MIA2: variants seen among roughly 807,000 people sequenced by gnomAD.
The protein encoded by MIA2 is MIA SH3 domain ER export factor 2.
In MIA2, 127 loss-of-function variants were observed where a neutral mutation model predicts 167.8. The ratio of observed to expected loss-of-function variants is 0.76; its 90% CI spans 0.66 to 0.88. MIA2 has a LOEUF of 0.88. Among genes scored for constraint, MIA2 ranks in the 40% least tolerant of loss-of-function variants. The pLI, the probability that MIA2 is intolerant of heterozygous loss-of-function variation, is 0.00. For synonymous variants in MIA2, 552 were observed against 541.9 expected (o/e 1.02, Z -0.26); for missense variants, 1,690 against 1,624.7 (o/e 1.04, Z -0.69).
Position 39,247,727 on chromosome 14 carries a change from C to G in MIA2, c.1153C>G (p.Leu385Val). The G allele has an allele frequency of 6.2e-7, 1 of 1,613,020 alleles. No individual in the cohort carries two copies. Among genetic ancestry groups the G allele is most frequent in the Non-Finnish European group, 8.5e-7 (1 of 1,179,796 alleles). The change falls in exon 4 of 29, where the codon CTA becomes GTA. Residue 385 changes from leucine (L) to valine (V), a missense_variant. Physicochemically the swap from Leu to Val is conservative, Grantham distance 32. Transcript: ENST00000640607. ...PSWFDFGFAI[L>V]GFAYAKEDKI... is the part of the protein sequence containing the mutation. ...TTGGTTTGATTTTGGTTTTGCTATA[C>G]TAGGCTTTGCATATGCCAAGGAAGA...
At chr14:39,374,112 G>A (rs2075002756) in intron 23 of MIA2, among the ~76,000 whole-genome samples, 2 of 152,210 alleles carry the variant, frequency 1.3e-5, no homozygotes, top group Non-Finnish European at 2.9e-5. Flanking sequence ...ACAGAAGATA[G>A]AATGAAAAGT....
intron 10 of MIA2, among the ~76,000 whole-genome samples, chr14:39,291,934 A>C (rs1275090088): frequency 6.6e-6 from 1 of 152,206 alleles, no homozygotes; most frequent in Non-Finnish European, 1.5e-5. Flanking sequence ...TAAAACAGAA[A>C]ACAGTAGACC....
At chr14:39,347,569 T>A in intron 26 of MIA2, 144 bp from the exon 27 acceptor site, 1 of 716,600 alleles carries the variant, frequency 1.4e-6, no homozygotes, top group African/African-American at 1.8e-5. Flanking sequence ...AAGCTGTTCT[T>A]GTGGCCGCAA....
intron 21 of MIA2, among the ~76,000 whole-genome samples, chr14:39,316,552 C>T (rs2152953161): frequency 6.6e-6 from 1 of 152,256 alleles, no homozygotes; most frequent in East Asian, 1.9e-4. Flanking sequence ...TGAATGTTAA[C>T]TGTTGTTATT....
chr14:39,258,412 T>C (rs1015908268), intron 6 of MIA2, among the ~76,000 whole-genome samples: 1 of 152,208 alleles, frequency 6.6e-6, no homozygotes, highest in African/African-American at 2.4e-5. Flanking sequence ...ACGAAGTTCT[T>C]ATGCTGTGTT....
chr14:39,362,297 C>T (rs1202256017), intron 23 of MIA2, among the ~76,000 whole-genome samples: 2 of 152,146 alleles, frequency 1.3e-5, no homozygotes, highest in Admixed American at 6.5e-5. Flanking sequence ...TAGAATTTGG[C>T]AGTAAAGCTG....
intron 9 of MIA2, among the ~76,000 whole-genome samples, chr14:39,283,989 T>TG (rs1347727045): frequency 2.0e-5 from 3 of 152,188 alleles, no homozygotes; most frequent in Non-Finnish European, 4.4e-5. Context: ...TTTTTTACCT[T>TG]GCAGCTTCAC....
At chr14:39,306,744 G>T (rs1365857218) in intron 17 of MIA2, among the ~76,000 whole-genome samples, 1 of 152,150 alleles carries the variant, frequency 6.6e-6, no homozygotes, top group Non-Finnish European at 1.5e-5. Flanking sequence ...TGTCTTTTAA[G>T]ATTTGTGGTG....
chr14:39,342,527 A>G (rs1273126447), intron 25 of MIA2, among the ~76,000 whole-genome samples: 2 of 152,164 alleles, frequency 1.3e-5, no homozygotes, highest in Non-Finnish European at 2.9e-5. Context: ...GTATATACCC[A>G]GTAATGGGAT....
chr14:39,316,500 G>GT (rs1367384021), intron 21 of MIA2, among the ~76,000 whole-genome samples: 1 of 152,192 alleles, frequency 6.6e-6, no homozygotes, highest in Admixed American at 6.5e-5. Flanking sequence ...TTAAATTCAT[G>GT]TAAGGTTGTT....
intron 18 of MIA2, among the ~76,000 whole-genome samples, chr14:39,311,767 G>A (rs1459378817): frequency 6.6e-6 from 1 of 150,784 alleles, no homozygotes; most frequent in African/African-American, 2.4e-5. Context: ...GGGGATTATA[G>A]GCATGAGCCA....
intron 18 of MIA2, among the ~76,000 whole-genome samples, chr14:39,312,828 A>C (rs1260380982): frequency 6.6e-6 from 1 of 152,076 alleles, no homozygotes; most frequent in Non-Finnish European, 1.5e-5. Context: ...TAATAGAATT[A>C]GATGTAGTAA....
At chr14:39,384,710 C>T (rs1365426758) in intron 23 of MIA2, among the ~76,000 whole-genome samples, 1 of 152,168 alleles carries the variant, frequency 6.6e-6, no homozygotes, top group African/African-American at 2.4e-5. Flanking sequence ...TGACACATTT[C>T]CTGGTCTGAA....
At chr14:39,271,061 A>G (rs987532457) in intron 6 of MIA2, among the ~76,000 whole-genome samples, 7 of 152,188 alleles carry the variant, frequency 4.6e-5, no homozygotes, top group Non-Finnish European at 7.3e-5. Context: ...AAACATTTAC[A>G]GTTATGCTTC....
At chr14:39,285,472 G>C (rs982152330) in intron 9 of MIA2, among the ~76,000 whole-genome samples, 1 of 144,198 alleles carries the variant, frequency 6.9e-6, no homozygotes, top group Non-Finnish European at 1.5e-5. Flanking sequence ...CCGGGCGGGG[G>C]CTGACCCCCC....
intron 6 of MIA2, among the ~76,000 whole-genome samples, chr14:39,272,531 T>C (rs1206673686): frequency 6.6e-6 from 1 of 152,198 alleles, no homozygotes; most frequent in Non-Finnish European, 1.5e-5. Context: ...AGTTGGGGTT[T>C]CACTAGGGAC....
At chr14:39,307,482 C>T (rs1024460833) in intron 17 of MIA2, among the ~76,000 whole-genome samples, 8 of 145,848 alleles carry the variant, frequency 5.5e-5, no homozygotes, top group Admixed American at 1.4e-4. Context: ...GCTCACTGCA[C>T]GCTCTGCCTC....
intron 23 of MIA2, among the ~76,000 whole-genome samples, chr14:39,368,360 G>A (rs983858614): frequency 3.3e-5 from 5 of 152,166 alleles, no homozygotes; most frequent in Admixed American, 6.5e-5. Context: ...GGTAAAAATT[G>A]CCTGTTAGAA....
At chr14:39,369,458 AT>A (rs2074890854) in intron 23 of MIA2, among the ~76,000 whole-genome samples, 1 of 152,184 alleles carries the variant, frequency 6.6e-6, no homozygotes, top group Non-Finnish European at 1.5e-5. Context: ...CTCATCCTTA[AT>A]TCTGTGTATA....
Sources: gnomAD v4.1 joint callset for allele counts (sites outside exome capture counted in the v4.1 genomes callset) on GRCh38, gnomAD v4.1.1 for gene constraint, MANE v1.5 for transcripts, NCBI Gene and HGNC (gene_info 2026-07-23, HGNC 2026-07-21) for gene names.